The following VAV2 variants were observed in gnomAD, a reference collection of about 807,000 sequenced individuals.
VAV2 encodes the protein vav guanine nucleotide exchange factor 2.
Under a neutral mutation model 132.5 loss-of-function variants are expected in VAV2, and 67 were observed. The ratio of observed to expected loss-of-function variants is 0.51; its 90% CI spans 0.42 to 0.62. The LOEUF is 0.62. Among genes scored for constraint, VAV2 ranks in the 20% least tolerant of loss-of-function variants. The probability of loss-of-function intolerance (pLI) is 0.00; values close to 1 mark genes in which losing one functional copy is unlikely to be tolerated. For synonymous variants in VAV2, 492 were observed against 443.5 expected (o/e 1.11, Z -1.37); for missense variants, 938 against 1,153.6 (o/e 0.81, Z 2.71).
At chr9:133,771,530 T>G (rs1833624766) in intron 26 of VAV2, among the ~76,000 whole-genome samples, 1 of 152,218 alleles carries the variant, frequency 6.6e-6, no homozygotes. Flanking sequence ...TGCCTCTAAC[T>G]GCATTCTGGC....
intron 16 of VAV2, 190 bp from the exon 17 acceptor site, chr9:133,786,075 G>A (rs1287293597): frequency 2.0e-5 from 13 of 643,716 alleles, no homozygotes; most frequent in East Asian, 2.0e-4. Context: ...ACGTGCACAC[G>A]TGCCTCTGTA....
At chr9:133,770,645 C>T in intron 26 of VAV2, 144 bp from the exon 27 acceptor site, 1 of 1,266,232 alleles carries the variant, frequency 7.9e-7, no homozygotes, top group Middle Eastern at 2.8e-4. Flanking sequence ...ATCCCGCCAG[C>T]CCATGGTGGG....
intron 2 of VAV2, among the ~76,000 whole-genome samples, chr9:133,874,096 A>G (rs1318292425): frequency 6.6e-6 from 1 of 152,218 alleles, no homozygotes; most frequent in South Asian, 2.1e-4. Flanking sequence ...CTGGCAGCAG[A>G]GCCCGGCTCT....
chr9:133,779,882 G>A (rs989388255), intron 21 of VAV2, 36 bp downstream of exon 21: 2 of 1,606,754 alleles, frequency 1.2e-6, no homozygotes, highest in Non-Finnish European at 1.7e-6. Context: ...TGGCTGACAT[G>A]GGTGATAGCA....
chr9:133,791,803 G>C lies in VAV2; in HGVS notation c.1168C>G (p.Gln390Glu). 6.2e-7 allele frequency: 1 copy of C among 1,614,152 alleles called. No homozygotes were observed. Among genetic ancestry groups the C allele is most frequent in the Non-Finnish European group, 8.5e-7 (1 of 1,180,012 alleles). ...CTCACCAAATTTTCTATAGAACTCTGAAATTCGCTGATTTTCCTCAAGGTC... is the reference window on the plus strand; with the variant it reads ...CTCACCAAATTTTCTATAGAACTCTCAAATTCGCTGATTTTCCTCAAGGTC... ...KETLRKISEF[Q>E]SSIENLQVKL... Residue 390 changes from glutamine (Q) to glutamate (E), a missense_variant, in exon 13 of 30, where the codon CAG (glutamine) becomes GAG (glutamate). Gln to Glu is a conservative substitution (Grantham distance 29, BLOSUM62 2). Coordinates refer to ENST00000371850, the MANE Select transcript of VAV2 (RefSeq NM_001134398.2).
chr9:133,900,674 C>T (rs1839402941), intron 2 of VAV2, among the ~76,000 whole-genome samples: 1 of 152,054 alleles, frequency 6.6e-6, no homozygotes, highest in Non-Finnish European at 1.5e-5. Flanking sequence ...GAGCAATTTC[C>T]CCTATCTTTG....
chr9:133,817,501 G>A (rs775862501), intron 4 of VAV2, among the ~76,000 whole-genome samples: 5 of 152,142 alleles, frequency 3.3e-5, no homozygotes, highest in Non-Finnish European at 7.3e-5. Flanking sequence ...AAAAATACTC[G>A]GGAGACTGAG....
At chr9:133,862,152 C>G (rs1030466044) in intron 2 of VAV2, among the ~76,000 whole-genome samples, 2 of 152,258 alleles carry the variant, frequency 1.3e-5, no homozygotes, top group Admixed American at 1.3e-4. Context: ...CCCTAACCGG[C>G]CTGCCCCGTG....
intron 1 of VAV2, among the ~76,000 whole-genome samples, chr9:133,971,389 G>A (rs1252164084): frequency 6.6e-6 from 1 of 152,192 alleles, no homozygotes; most frequent in East Asian, 1.9e-4. Flanking sequence ...ACCCAGGAGG[G>A]GGCCACATGT....
At chr9:133,902,810 G>A (rs1197634987) in intron 2 of VAV2, among the ~76,000 whole-genome samples, 7 of 152,162 alleles carry the variant, frequency 4.6e-5, no homozygotes, top group Non-Finnish European at 8.8e-5. Context: ...AATGGCTCAC[G>A]CCTGTAACCC....
intron 3 of VAV2, among the ~76,000 whole-genome samples, chr9:133,858,177 C>A (rs1416367210): frequency 6.6e-6 from 1 of 152,188 alleles, no homozygotes; most frequent in Non-Finnish European, 1.5e-5. Flanking sequence ...TCTTTGTATA[C>A]CTGAGGCGTT....
rs1379085937 is a variant in VAV2, at chr9:133,785,721, AC to A, written c.1532+54del. 70 of 1,547,408 alleles carry A rather than the reference AC, an allele frequency of 4.5e-5. 1 individual carries two copies. In the Admixed American group the frequency reaches 1.2e-3, roughly 26 times the overall value. The stretch of plus-strand genomic sequence containing the variant: ...ACAGACACAATCCACCTGGGCTTCC[AC>A]CCCCCATACAACTCATCTGCCAGGG... On this transcript the variant is annotated intron_variant, in intron 17 of 29. Transcript: ENST00000371850.
Position 133,833,290 on chromosome 9 carries a change from A to T in VAV2, c.449+982T>A, listed in dbSNP as rs1481674216. Among the ~76,000 whole-genome samples, 11 of 152,174 alleles carry T rather than the reference A, an allele frequency of 7.2e-5. No homozygotes were observed. Among genetic ancestry groups the T allele is most frequent in the Non-Finnish European group, 2.9e-5 (2 of 68,022 alleles). ...CTGGATGTGGGCTGAGCAGTAAGAC[A>T]GGGACAGCCCCAGCATACACAGCAG... On this transcript the variant is annotated intron_variant, in intron 4 of 29. Coordinates refer to ENST00000371850, the MANE Select transcript of VAV2 (RefSeq NM_001134398.2). This position sits in a 1 kb window ranked among gnomAD's most constrained non-coding sequence, Gnocchi z 5.6.
chr9:133,838,707 G>A (rs1588249124), intron 3 of VAV2, among the ~76,000 whole-genome samples: 3 of 143,018 alleles, frequency 2.1e-5, no homozygotes, highest in East Asian at 2.2e-4. Flanking sequence ...GGGTGGGTGG[G>A]TGGATTGATG....
At chr9:133,869,932 G>A (rs1420945054) in intron 2 of VAV2, among the ~76,000 whole-genome samples, 1 of 152,186 alleles carries the variant, frequency 6.6e-6, no homozygotes, top group Non-Finnish European at 1.5e-5. Context: ...GAAATCTACA[G>A]CTACTATTGC....
rs1043707765 is a variant in VAV2 at position 133,863,324 on chromosome 9, C to T, written c.322-1892G>A. Reference sequence around the variant, plus strand: ...CGGGCGCAGGCCCAGAGCCCTCCTCCGTGGAGTCTAAGGAGGCACCAGCAT... The same window carrying T: ...CGGGCGCAGGCCCAGAGCCCTCCTCTGTGGAGTCTAAGGAGGCACCAGCAT... On this transcript the variant is annotated intron_variant, in intron 2 of 29. Coordinates refer to ENST00000371850, the MANE Select transcript of VAV2 (RefSeq NM_001134398.2). This position sits in a 1 kb window ranked among gnomAD's most constrained non-coding sequence, Gnocchi z 5.0. 1.3e-5 allele frequency among the ~76,000 whole-genome samples: 2 copies of T among 152,192 alleles called. No individual in the cohort carries two copies. The highest frequency in any genetic ancestry group is 1.5e-5 in the Non-Finnish European group (1 of 68,036).
At chr9:133,909,349 A>C (rs1839794628) in intron 2 of VAV2, among the ~76,000 whole-genome samples, 1 of 152,214 alleles carries the variant, frequency 6.6e-6, no homozygotes, top group South Asian at 2.1e-4. Context: ...CAGGAGGTTC[A>C]AAACTCAGTT....
At chr9:133,986,572 C>A (rs911830938) in intron 1 of VAV2, among the ~76,000 whole-genome samples, 18 of 152,162 alleles carry the variant, frequency 1.2e-4, no homozygotes. Context: ...AGGAGAATGC[C>A]CTTGTTTGCA....
intron 1 of VAV2, among the ~76,000 whole-genome samples, chr9:133,983,675 T>C (rs1326760966): frequency 6.6e-6 from 1 of 152,062 alleles, no homozygotes; most frequent in Non-Finnish European, 1.5e-5. Flanking sequence ...GGCTATGCTG[T>C]CCTTGCAGCC....
Sources: allele counts gnomAD v4.1 joint callset (sites outside exome capture counted in the v4.1 genomes callset), GRCh38; gene constraint gnomAD v4.1.1; non-coding constraint Gnocchi (gnomAD v3.1); transcripts MANE v1.5; gene names NCBI Gene and HGNC (gene_info 2026-07-23, HGNC 2026-07-21).